The following KAZN variants were observed in gnomAD, a reference collection of about 807,000 sequenced individuals.
KAZN encodes the protein kazrin.
KAZN carries 40 observed loss-of-function variants against 87.4 expected under a neutral mutation model. That is an observed-to-expected ratio of 0.46 (90% confidence interval 0.36 to 0.60). The LOEUF (loss-of-function observed/expected upper bound fraction) is 0.60, where lower values mean the gene tolerates loss of function less well. Ranked by LOEUF, KAZN falls within the 20% of genes least tolerant of loss-of-function variation. The pLI is 0.00. For synonymous variants in KAZN, 466 were observed against 458.3 expected (o/e 1.02, Z -0.22); for missense variants, 898 against 1,073.9 (o/e 0.84, Z 2.29).
intron 1 of KAZN, among the ~76,000 whole-genome samples, chr1:14,864,790 A>G (rs751820917): frequency 6.6e-6 from 1 of 152,106 alleles, no homozygotes; most frequent in Non-Finnish European, 1.5e-5. Flanking sequence ...GGCCTGTATC[A>G]GCGGCACCAC....
chr1:15,093,828 T>C (rs1468624283), intron 8 of KAZN, among the ~76,000 whole-genome samples: 1 of 152,150 alleles, frequency 6.6e-6, no homozygotes, highest in Non-Finnish European at 1.5e-5. Flanking sequence ...TATTTAGGAA[T>C]CAAAACGGGG....
chr1:14,108,322 G>C (rs1644424684), intron 1 of KAZN, among the ~76,000 whole-genome samples: 1 of 152,168 alleles, frequency 6.6e-6, no homozygotes, highest in South Asian at 2.1e-4. Flanking sequence ...CTATAGAAGA[G>C]TATAGCTCCC....
At chr1:14,941,689 A>G (rs1661100763) in intron 1 of KAZN, among the ~76,000 whole-genome samples, 2 of 152,134 alleles carry the variant, frequency 1.3e-5, no homozygotes, top group African/African-American at 4.8e-5. Context: ...AGCAGGGAAG[A>G]TTTCCTGGGC....
At chr1:14,834,502 C>T (rs1359906413) in intron 1 of KAZN, among the ~76,000 whole-genome samples, 3 of 151,828 alleles carry the variant, frequency 2.0e-5, no homozygotes, top group Non-Finnish European at 4.4e-5. Context: ...GCTGGGACTA[C>T]AGGTGCCCAC....
At chr1:14,585,191 T>A (rs1439118830) in intron 2 of KAZN, among the ~76,000 whole-genome samples, 1 of 152,154 alleles carries the variant, frequency 6.6e-6, no homozygotes, top group Non-Finnish European at 1.5e-5. Flanking sequence ...GGAAATACAT[T>A]TCTGTTGGTT....
intron 1 of KAZN, among the ~76,000 whole-genome samples, chr1:14,071,775 T>C (rs1227555476): frequency 1.3e-5 from 2 of 152,188 alleles, no homozygotes; most frequent in East Asian, 1.9e-4. Context: ...CCAGAAATGC[T>C]TGTGGTCTCC....
chr1:14,292,624 G>A (rs1420359375), intron 2 of KAZN, among the ~76,000 whole-genome samples: 5 of 152,180 alleles, frequency 3.3e-5, no homozygotes, highest in Admixed American at 6.5e-5. Context: ...GCTCTACCTC[G>A]CCTCATTGCA....
chr1:14,426,312 G>A (rs1665723285), intron 2 of KAZN, among the ~76,000 whole-genome samples: 1 of 152,126 alleles, frequency 6.6e-6, no homozygotes, highest in South Asian at 2.1e-4. Context: ...CATTCACTCT[G>A]AGACCCTTAC....
At chr1:15,091,114 A>G (rs762278822) in intron 8 of KAZN, among the ~76,000 whole-genome samples, 2 of 152,156 alleles carry the variant, frequency 1.3e-5, no homozygotes, top group African/African-American at 2.4e-5. Context: ...ATACTCTCAC[A>G]CTCACACGGG....
chr1:15,044,189 G>A (rs1354759463), intron 4 of KAZN, 30 bp downstream of exon 4: 1 of 1,543,814 alleles, frequency 6.5e-7, no homozygotes. Context: ...AGGTGGGCCT[G>A]GCATCTGCTA....
At chr1:14,467,814 A>C (rs529692603) in intron 2 of KAZN, among the ~76,000 whole-genome samples, 71 of 152,150 alleles carry the variant, frequency 4.7e-4, no homozygotes, top group African/African-American at 1.6e-3. Flanking sequence ...TCAGCCTCTC[A>C]TGATGGCCCC....
chr1:14,533,796 T>C (rs1187359186), intron 2 of KAZN, among the ~76,000 whole-genome samples: 1 of 152,224 alleles, frequency 6.6e-6, no homozygotes, highest in East Asian at 1.9e-4. Flanking sequence ...TGGTATATTT[T>C]ACCGACATTT....
intron 1 of KAZN, among the ~76,000 whole-genome samples, chr1:14,137,632 G>T (rs1054177250): frequency 2.6e-5 from 4 of 151,604 alleles, no homozygotes; most frequent in African/African-American, 9.7e-5. Context: ...ACAGAGATTG[G>T]ATCTGTTCAA....
Position 14,738,887 on chromosome 1 carries a change from G to A in KAZN, c.226+139664G>A, listed in dbSNP as rs186612350. On this transcript the variant is annotated intron_variant, in intron 1 of 14. Transcript: ENST00000376030. ...AGAGTCTGAGTTGAAAACTAGACCCGTCTGGTCAAGTGCAATGGCTCATGT... is the reference window on the plus strand; with the variant it reads ...AGAGTCTGAGTTGAAAACTAGACCCATCTGGTCAAGTGCAATGGCTCATGT... Among the ~76,000 whole-genome samples, 23 of 152,284 alleles carry A rather than the reference G, an allele frequency of 1.5e-4. No individual in the cohort carries two copies. In the East Asian group the frequency reaches 4.2e-3, roughly 28 times the overall value.
At chr1:14,504,625 CA>C (rs77189368) in intron 2 of KAZN, among the ~76,000 whole-genome samples, 4,666 of 152,278 alleles carry the variant, frequency 0.031, 90 homozygotes, top group Admixed American at 0.055. Flanking sequence ...AGAAGCTAAT[CA>C]GGGGCAATGG....
chr1:14,420,252 G>A (rs949238942), intron 2 of KAZN, among the ~76,000 whole-genome samples: 5 of 152,178 alleles, frequency 3.3e-5, no homozygotes, highest in African/African-American at 1.2e-4. Flanking sequence ...CCTCTAGCTA[G>A]ACATAAAAGT....
chr1:14,068,221 T>A (rs1643094133), intron 1 of KAZN, among the ~76,000 whole-genome samples: 1 of 152,188 alleles, frequency 6.6e-6, no homozygotes, highest in Admixed American at 6.5e-5. Flanking sequence ...AACCACCACA[T>A]TAAACTTAGA....
intron 1 of KAZN, among the ~76,000 whole-genome samples, chr1:14,654,506 C>CA (rs1165714721): frequency 1.3e-5 from 2 of 151,916 alleles, no homozygotes; most frequent in Admixed American, 6.6e-5. Flanking sequence ...GAGTTTCATG[C>CA]AAAATAGCCC....
intron 2 of KAZN, among the ~76,000 whole-genome samples, chr1:14,486,418 T>C (rs554371506): frequency 5.6e-4 from 86 of 152,318 alleles, no homozygotes; most frequent in African/African-American, 2.0e-3. Context: ...GTTAAAATCC[T>C]GGTGCCTACT....
Sources: gnomAD v4.1 joint callset for allele counts (sites outside exome capture counted in the v4.1 genomes callset) on GRCh38, gnomAD v4.1.1 for gene constraint, MANE v1.5 for transcripts, NCBI Gene and HGNC (gene_info 2026-07-23, HGNC 2026-07-21) for gene names.